The following CEP83 variants were observed in gnomAD, a reference collection of about 807,000 sequenced individuals.
CEP83 encodes the protein centrosomal protein of 83 kDa.
A neutral mutation model predicts 101.9 loss-of-function variants in CEP83; 70 were observed. The observed-to-expected ratio is 0.69, with a 90% confidence interval of 0.57 to 0.84. The LOEUF (loss-of-function observed/expected upper bound fraction) is 0.84. Ranked by LOEUF, CEP83 falls within the 40% of genes least tolerant of loss-of-function variation. The pLI is 0.00. For missense variants in CEP83, 715 were observed against 787.2 expected (o/e 0.91, Z 1.10); for synonymous variants, 264 against 267.9 (o/e 0.99, Z 0.14).
In CEP83 at chr12:94,425,891, T is replaced by C. The variant is rs150393353; in HGVS notation, c.-102+9384A>G. 8.7e-3 allele frequency among the ~76,000 whole-genome samples: 1,317 copies of C among 152,136 alleles called. 21 individuals are homozygous for C. The highest frequency in any genetic ancestry group is 0.031 in the African/African-American group (1,269 of 41,500). On this transcript the variant is annotated intron_variant, in intron 2 of 16. Transcript: ENST00000397809. ...ATCCCAGCACTTTGGGAGGCCAAGGTGGGCGGATCACGAGGTCAGGAGCTT... is the reference window on the plus strand; with the variant it reads ...ATCCCAGCACTTTGGGAGGCCAAGGCGGGCGGATCACGAGGTCAGGAGCTT...
intron 8 of CEP83, among the ~76,000 whole-genome samples, chr12:94,372,478 A>G (rs1184930173): frequency 1.3e-5 from 2 of 152,184 alleles, no homozygotes; most frequent in Non-Finnish European, 2.9e-5. Flanking sequence ...AGAAAATCCA[A>G]TCACTATGAC....
chr12:94,357,419 G>C (rs2060530768), intron 11 of CEP83, among the ~76,000 whole-genome samples: 1 of 152,204 alleles, frequency 6.6e-6, no homozygotes, highest in African/African-American at 2.4e-5. Context: ...TGTTGAGCCA[G>C]AAATATGTCC....
intron 11 of CEP83, among the ~76,000 whole-genome samples, chr12:94,355,648 C>T (rs936411668): frequency 6.6e-6 from 1 of 152,222 alleles, no homozygotes; most frequent in Non-Finnish European, 1.5e-5. Context: ...TAAATAAAAT[C>T]TCTGCAGCAA....
chr12:94,406,644 G>A lies in CEP83; in HGVS notation c.325-3382C>T, dbSNP rs191090580. On this transcript the variant is annotated intron_variant, in intron 4 of 16. Transcript: ENST00000397809. The stretch of plus-strand genomic sequence containing the variant: ...GGATAGAGATAAAAAGACCAAGGCC[G>A]GGCAAGGTGGCTCACGCCTGTAATC... Among the ~76,000 whole-genome samples, 300 of 152,244 alleles carry A rather than the reference G, an allele frequency of 2.0e-3. 1 individual carries two copies. Among genetic ancestry groups the A allele is most frequent in the African/African-American group, 6.4e-3 (265 of 41,546 alleles).
chr12:94,446,244 C>T (rs1240274393), intron 1 of CEP83, among the ~76,000 whole-genome samples: 1 of 152,116 alleles, frequency 6.6e-6, no homozygotes, highest in African/African-American at 2.4e-5. Flanking sequence ...ACATTTATTT[C>T]AACGTTTAAT....
rs1161292599 is a variant in CEP83, at chr12:94,331,357, C to CTTTTTTTTT, written c.1707+334_1707+342dup. On this transcript the variant is annotated intron_variant, in intron 14 of 16. Transcript: ENST00000397809. ...TACTCCATAGAAATCACCTTTTTTC[C>CTTTTTTTTT]TTTTTTTTTTTTTTTTTTTTTTTTT... Among the ~76,000 whole-genome samples, 14 of 66,808 alleles carry CTTTTTTTTT rather than the reference C, an allele frequency of 2.1e-4. 1 individual carries two copies. Among genetic ancestry groups the CTTTTTTTTT allele is most frequent in the Non-Finnish European group, 3.5e-4 (12 of 34,740 alleles). The allele number at this position is 66,808 out of a possible 152,430, so 43.8% of individuals were successfully genotyped here.
chr12:94,283,351 TGAGAGGGGCAATG>T, the CEP83 span, among the ~76,000 whole-genome samples: 114 of 151,938 alleles, frequency 7.5e-4, no homozygotes, highest in African/African-American at 2.7e-3. Flanking sequence ...AGTCAAAACT[TGAGAGGGGCAATG>T]GAGAGGGGGA....
intron 1 of CEP83, among the ~76,000 whole-genome samples, chr12:94,453,903 C>T (rs996890137): frequency 3.3e-5 from 5 of 152,098 alleles, no homozygotes; most frequent in Non-Finnish European, 7.4e-5. Context: ...TCAAGACCAT[C>T]CTGGCTAACA....
intron 6 of CEP83, among the ~76,000 whole-genome samples, chr12:94,380,217 C>A (rs940618856): frequency 2.0e-5 from 3 of 152,138 alleles, no homozygotes; most frequent in African/African-American, 4.8e-5. Flanking sequence ...CACCCCAGGG[C>A]AGGATCTGTT....
At chr12:94,404,733 T>C (rs1047154508) in intron 4 of CEP83, among the ~76,000 whole-genome samples, 3 of 152,138 alleles carry the variant, frequency 2.0e-5, no homozygotes, top group African/African-American at 2.4e-5. Context: ...TACAATTACA[T>C]AAATAAAATA....
the CEP83 span, chr12:94,281,745 A>G: frequency 6.5e-6 from 1 of 153,448 alleles, no homozygotes; most frequent in East Asian, 1.9e-4. Context: ...TAATCTTTAA[A>G]TGTTGGCACT....
chr12:94,278,929 C>A, the CEP83 span, among the ~76,000 whole-genome samples: 1 of 151,826 alleles, frequency 6.6e-6, no homozygotes, highest in Admixed American at 6.6e-5. Flanking sequence ...ACCCAGGAGG[C>A]GGAGGTTGCA....
At chr12:94,340,674 T>C (rs2059643048) in intron 11 of CEP83, among the ~76,000 whole-genome samples, 1 of 152,160 alleles carries the variant, frequency 6.6e-6, no homozygotes, top group Non-Finnish European at 1.5e-5. Flanking sequence ...TGACCTCAGG[T>C]GTTCCACCCG....
chr12:94,402,416 A>G (rs2063307710), intron 5 of CEP83: 1 of 152,232 alleles, frequency 6.6e-6, no homozygotes, highest in Non-Finnish European at 1.5e-5. Context: ...CCAGAAAAAA[A>G]AATAAAAAAC....
chr12:94,386,070 C>T (rs1013854710), intron 6 of CEP83, among the ~76,000 whole-genome samples: 4 of 152,098 alleles, frequency 2.6e-5, no homozygotes, highest in Admixed American at 6.5e-5. Context: ...ATGACAAAAT[C>T]GCCTAATGAC....
intron 11 of CEP83, among the ~76,000 whole-genome samples, chr12:94,344,657 C>T (rs2059849390): frequency 1.3e-5 from 2 of 151,972 alleles, no homozygotes; most frequent in Admixed American, 1.3e-4. Context: ...AACTGCAACA[C>T]ACTGATGAAA....
rs576868227 is a variant in CEP83 at position 94,310,929 on chromosome 12, A to G, written c.1812-822T>C. Reference sequence around the variant, plus strand: ...GAAGTGATAAGAGTATCTTTTGTATATTAATAAGATAACTGGTGGCTGGGG... The same window carrying G: ...GAAGTGATAAGAGTATCTTTTGTATGTTAATAAGATAACTGGTGGCTGGGG... On this transcript the variant is annotated intron_variant, in intron 15 of 16. Coordinates refer to ENST00000397809, the MANE Select transcript of CEP83 (RefSeq NM_016122.3). Among the ~76,000 whole-genome samples the G allele has an allele frequency of 3.3e-5, 5 of 152,290 alleles. No homozygotes were observed. In the South Asian group the frequency reaches 1.0e-3, roughly 32 times the overall value.
At chr12:94,393,710 T>G (rs549314662) in intron 6 of CEP83, among the ~76,000 whole-genome samples, 1 of 152,342 alleles carries the variant, frequency 6.6e-6, no homozygotes, top group East Asian at 1.9e-4. Context: ...GATATGATTG[T>G]ATATTTAGAA....
intron 7 of CEP83, among the ~76,000 whole-genome samples, chr12:94,378,392 C>A (rs1196007462): frequency 2.6e-5 from 4 of 152,134 alleles, no homozygotes; most frequent in Non-Finnish European, 5.9e-5. Flanking sequence ...TCTGTTCAAA[C>A]AGGATTTGTG....
Sources: allele counts gnomAD v4.1 joint callset (sites outside exome capture counted in the v4.1 genomes callset), GRCh38; gene constraint gnomAD v4.1.1; transcripts MANE v1.5; gene names NCBI Gene and HGNC (gene_info 2026-07-23, HGNC 2026-07-21).